Variants in RPA3 observed in about 807,000 individuals in gnomAD.
RPA3 encodes replication protein A3.
RPA3 carries 24 observed loss-of-function variants against 13.7 expected under a neutral mutation model. That is an observed-to-expected ratio of 1.75 (90% CI 1.27 to 2.46). The LOEUF is 2.46. RPA3 is among the 30% of genes most tolerant of loss of function. The pLI is 0.00. For missense variants in RPA3, 183 were observed against 151.0 expected (o/e 1.21, Z -1.11); for synonymous variants, 59 against 51.2 (o/e 1.15, Z -0.65).
intron 4 of RPA3, among the ~76,000 whole-genome samples, chr7:7,650,169 T>C (rs1018308272): frequency 1.3e-5 from 2 of 152,230 alleles, no homozygotes; most frequent in Admixed American, 1.3e-4. Flanking sequence ...TCTAGAGATT[T>C]AGTTCTGTTT....
At chr7:7,653,837 G>A (rs1785281757) in intron 4 of RPA3, among the ~76,000 whole-genome samples, 1 of 152,168 alleles carries the variant, frequency 6.6e-6, no homozygotes, top group African/African-American at 2.4e-5. Flanking sequence ...CACAGCTGGG[G>A]GATAGGAAGG....
intron 4 of RPA3, among the ~76,000 whole-genome samples, chr7:7,663,750 T>C (rs993895687): frequency 7.9e-5 from 12 of 152,196 alleles, no homozygotes; most frequent in Non-Finnish European, 1.8e-4. Flanking sequence ...GATGCAAAAT[T>C]GGTTAGTATC....
At chr7:7,708,595 T>C (rs1780668303) in intron 2 of RPA3, among the ~76,000 whole-genome samples, 1 of 152,214 alleles carries the variant, frequency 6.6e-6, no homozygotes, top group Non-Finnish European at 1.5e-5. Flanking sequence ...TAAGTCAACA[T>C]ATTTGTCCTT....
intron 2 of RPA3, among the ~76,000 whole-genome samples, chr7:7,707,848 A>G (rs1780644862): frequency 6.6e-6 from 1 of 152,172 alleles, no homozygotes; most frequent in South Asian, 2.1e-4. Flanking sequence ...AGATCTTTTA[A>G]TGTAGTTATT....
intron 1 of RPA3, among the ~76,000 whole-genome samples, chr7:7,716,731 G>C (rs899178644): frequency 7.2e-5 from 11 of 152,188 alleles, no homozygotes; most frequent in Non-Finnish European, 1.2e-4. Flanking sequence ...GGATCACGAG[G>C]TCAGGAGATC....
At chr7:7,648,092 C>T (rs1583690652) in intron 4 of RPA3, among the ~76,000 whole-genome samples, 1 of 152,194 alleles carries the variant, frequency 6.6e-6, no homozygotes, top group Admixed American at 6.5e-5. Context: ...TGGGAGGTCT[C>T]AGCTGAAGGT....
rs1563071514 is a variant in RPA3, at chr7:7,639,093, C to A, written c.151G>T (p.Gly51Ter). The change falls in exon 6 of 8, where the codon GGA (glycine) becomes TGA (stop). Residue 51 changes from glycine to a stop codon, truncating the protein, a stop_gained. Coordinates refer to ENST00000223129, the MANE Select transcript of RPA3 (RefSeq NM_002947.5). LOFTEE classifies it high-confidence loss of function. The stretch of plus-strand genomic sequence containing the variant: ...ACGGGTTCCATCAACTCGATGGTTC[C>A]ATTTTTTCCTTCTCCATCTGAAAGA... The part of the protein sequence containing the change: ...FILSDGEGKN[G>*]TIELMEPLDE... The A allele has an allele frequency of 1.2e-6, 2 of 1,612,636 alleles. No homozygotes were observed.
chr7:7,649,549 T>A (rs979255274), intron 4 of RPA3, among the ~76,000 whole-genome samples: 2 of 152,230 alleles, frequency 1.3e-5, no homozygotes, highest in African/African-American at 4.8e-5. Flanking sequence ...GTCAGTTTTT[T>A]GCTTCCTATG....
At chr7:7,700,976 G>C (rs1239348206) in intron 2 of RPA3, among the ~76,000 whole-genome samples, 1 of 152,188 alleles carries the variant, frequency 6.6e-6, no homozygotes, top group Non-Finnish European at 1.5e-5. Flanking sequence ...CTTGAGCCCA[G>C]GAGTTTGAGG....
rs28912680 is a variant in RPA3, at chr7:7,715,113, T to C, written c.-1028+62A>G. The C allele has an allele frequency of 2.0e-5, 3 of 152,298 alleles. No individual in the cohort carries two copies. In the East Asian group the frequency reaches 5.8e-4, roughly 29 times the overall value. The allele number at this position is 152,298 out of a possible 1,614,324, so 9.4% of individuals were successfully genotyped here. ...GTTTTACGAGATGAACTCTGAATTA[T>C]AGAATATCTCACCATTAATATGCAC... On this transcript the variant is annotated intron_variant, in intron 2 of 7. Transcript: ENST00000223129.
chr7:7,674,048 T>A (rs1386449247), intron 4 of RPA3, among the ~76,000 whole-genome samples: 2 of 152,214 alleles, frequency 1.3e-5, no homozygotes, highest in Admixed American at 6.5e-5. Context: ...TTTCTTCCCC[T>A]GAGGAAAAGT....
At chr7:7,671,040 CT>C (rs1779593005) in intron 4 of RPA3, among the ~76,000 whole-genome samples, 1 of 152,132 alleles carries the variant, frequency 6.6e-6, no homozygotes, top group East Asian at 1.9e-4. Context: ...TCCTTGGGGG[CT>C]GAACAGTTTT....
intron 4 of RPA3, among the ~76,000 whole-genome samples, chr7:7,684,242 A>G (rs1779984809): frequency 6.6e-6 from 1 of 151,256 alleles, no homozygotes; most frequent in Non-Finnish European, 1.5e-5. Context: ...TCACTCCATC[A>G]CCCAGGCTGG....
intron 2 of RPA3, among the ~76,000 whole-genome samples, chr7:7,714,320 T>A (rs958991172): frequency 9.8e-5 from 15 of 152,370 alleles, no homozygotes; most frequent in African/African-American, 3.4e-4. Context: ...GCAGACTTTC[T>A]TTGGCTGCTC....
At chr7:7,645,999 G>A (rs891857860) in intron 4 of RPA3, among the ~76,000 whole-genome samples, 5 of 152,160 alleles carry the variant, frequency 3.3e-5, no homozygotes, top group Admixed American at 3.3e-4. Flanking sequence ...AACCCCTTAC[G>A]GGAGAGGGAG....
intron 1 of RPA3, among the ~76,000 whole-genome samples, chr7:7,717,572 C>G (rs1472660014): frequency 6.6e-6 from 1 of 152,156 alleles, no homozygotes; most frequent in Non-Finnish European, 1.5e-5. Flanking sequence ...CCCACTTTAA[C>G]TGATTTTTTT....
chr7:7,670,210 T>TATTAAAAC (rs1376093425), intron 4 of RPA3, among the ~76,000 whole-genome samples: 3 of 152,210 alleles, frequency 2.0e-5, no homozygotes, highest in African/African-American at 7.2e-5. Context: ...GAGAATGACT[T>TATTAAAAC]ATTAAAACTA....
At position 7,640,477 on chromosome 7, in the gene RPA3, C is replaced by T. The variant is rs1784941574; in HGVS notation, c.-59G>A. 1 of 1,525,350 alleles carries T rather than the reference C, an allele frequency of 6.6e-7. No homozygotes were observed. Among genetic ancestry groups the T allele is most frequent in the Non-Finnish European group, 9.1e-7 (1 of 1,102,652 alleles). The allele number at this position is 1,525,350 out of a possible 1,614,324, so 94.5% of individuals were successfully genotyped here. ...CCACGGACGACTGAAACTGTGCGCCCCGCGGGTGTCTATGGGGCAGATTTC... is the reference window on the plus strand; with the variant it reads ...CCACGGACGACTGAAACTGTGCGCCTCGCGGGTGTCTATGGGGCAGATTTC... On this transcript the variant is annotated 5_prime_UTR_variant, in exon 5 of 8. Coordinates refer to ENST00000223129, the MANE Select transcript of RPA3 (RefSeq NM_002947.5).
chr7:7,712,311 G>C (rs1336425900), intron 2 of RPA3, among the ~76,000 whole-genome samples: 1 of 152,018 alleles, frequency 6.6e-6, no homozygotes, highest in South Asian at 2.1e-4. Flanking sequence ...GGGGAGAATT[G>C]CTATATTTAC....
Sources: allele counts gnomAD v4.1 joint callset (sites outside exome capture counted in the v4.1 genomes callset), GRCh38; gene constraint gnomAD v4.1.1; transcripts MANE v1.5; gene names NCBI Gene and HGNC (gene_info 2026-07-23, HGNC 2026-07-21).